Variants in ABCD2 observed in about 807,000 individuals in gnomAD.
ABCD2 encodes the protein ATP binding cassette subfamily D member 2, also known as ATP-binding cassette sub-family D member 2.
ABCD2 carries 36 observed loss-of-function variants against 70.9 expected under a neutral mutation model. The ratio of observed to expected loss-of-function variants is 0.51; its 90% CI spans 0.39 to 0.67. The LOEUF (loss-of-function observed/expected upper bound fraction) is 0.67, where lower values mean the gene tolerates loss of function less well. Among genes scored for constraint, ABCD2 ranks in the 30% least tolerant of loss-of-function variants. The probability of loss-of-function intolerance (pLI) is 0.00; values close to 1 mark genes in which losing one functional copy is unlikely to be tolerated. For missense variants in ABCD2, 729 were observed against 890.2 expected (o/e 0.82, Z 2.30); for synonymous variants, 304 against 306.9 (o/e 0.99, Z 0.10).
In ABCD2 at chr12:39,586,252, A is replaced by AG; in HGVS notation, c.1691dup (p.Asp565Ter). 1 of 1,613,602 alleles carries AG rather than the reference A, an allele frequency of 6.2e-7. No individual in the cohort carries two copies. ...TATCATGCATATCATCCACTGAATC[A>AG]GGGTAAATGACTTGATCCCGAAGAC... On this transcript the variant is annotated frameshift_variant, in exon 7 of 10. Transcript: ENST00000308666. LOFTEE classifies it high-confidence loss of function.
At chr12:39,595,431 C>G (rs1941803223) in intron 6 of ABCD2, among the ~76,000 whole-genome samples, 1 of 152,078 alleles carries the variant, frequency 6.6e-6, no homozygotes, top group African/African-American at 2.4e-5. Flanking sequence ...ATAACTTATA[C>G]AGAACATAAT....
At chr12:39,605,195 T>C (rs1566581809) in intron 3 of ABCD2, among the ~76,000 whole-genome samples, 1 of 152,094 alleles carries the variant, frequency 6.6e-6, no homozygotes, top group Non-Finnish European at 1.5e-5. Flanking sequence ...GTCAAATTTC[T>C]GATTTGACCT....
intron 2 of ABCD2, among the ~76,000 whole-genome samples, chr12:39,609,486 G>A (rs1030206181): frequency 6.6e-6 from 1 of 152,176 alleles, no homozygotes; most frequent in South Asian, 2.1e-4. Context: ...TTTTGTAGTT[G>A]TCGTTGCTAT....
At chr12:39,600,791 T>G in intron 5 of ABCD2, 75 bp from the exon 6 acceptor site, 1 of 1,354,590 alleles carries the variant, frequency 7.4e-7, no homozygotes, top group South Asian at 1.4e-5. Flanking sequence ...AAGTAAATTA[T>G]TTTTTTAAAA....
chr12:39,546,368 G>A (rs1047517618), downstream of ABCD2, among the ~76,000 whole-genome samples: 2 of 152,048 alleles, frequency 1.3e-5, no homozygotes, highest in Admixed American at 1.3e-4. Flanking sequence ...CTTTTCAAGT[G>A]TTCCCTATCT....
chr12:39,536,400 C>T, the ABCD2 span, among the ~76,000 whole-genome samples: 1 of 152,122 alleles, frequency 6.6e-6, no homozygotes, highest in East Asian at 1.9e-4. Context: ...CCAGAAGCTC[C>T]CAAATATGGA....
chr12:39,584,522 T>A (rs1011400663), intron 7 of ABCD2, among the ~76,000 whole-genome samples: 1 of 152,236 alleles, frequency 6.6e-6, no homozygotes, highest in Admixed American at 6.5e-5. Context: ...TTAAATTTAA[T>A]TAGATCTCAC....
intron 5 of ABCD2, among the ~76,000 whole-genome samples, chr12:39,602,811 A>T (rs1356014056): frequency 2.0e-5 from 3 of 152,158 alleles, no homozygotes; most frequent in African/African-American, 7.2e-5. Context: ...ACTATTTATT[A>T]AATAAATAGA....
the ABCD2 span, among the ~76,000 whole-genome samples, chr12:39,535,617 A>T: frequency 2.0e-5 from 3 of 152,104 alleles, no homozygotes; most frequent in Admixed American, 1.3e-4. Context: ...TCTTAGATAA[A>T]TTTTTTTTGC....
At chr12:39,535,960 T>A in the ABCD2 span, among the ~76,000 whole-genome samples, 2 of 152,110 alleles carry the variant, frequency 1.3e-5, no homozygotes, top group South Asian at 4.1e-4. Flanking sequence ...CTGGCCAGCA[T>A]GGTGAAAACT....
intron 6 of ABCD2, among the ~76,000 whole-genome samples, chr12:39,587,222 AATAAAAGGATGAGGAAGACCTCT>A (rs1384248987): frequency 1.1e-4 from 16 of 152,250 alleles, no homozygotes; most frequent in African/African-American, 3.9e-4. Context: ...AAGCAGCTGT[AATAAAAGGATGAGGAAGACCTCT>A]ATAAACTGAT....
chr12:39,562,458 A>C (rs377459148), intron 9 of ABCD2, among the ~76,000 whole-genome samples: 1 of 152,104 alleles, frequency 6.6e-6, no homozygotes, highest in African/African-American at 2.4e-5. Context: ...AATAAGAAAA[A>C]AGAAAGAAGA....
At chr12:39,594,936 C>T (rs1031523926) in intron 6 of ABCD2, among the ~76,000 whole-genome samples, 1 of 152,102 alleles carries the variant, frequency 6.6e-6, no homozygotes, top group African/African-American at 2.4e-5. Flanking sequence ...TAGGAAAACC[C>T]TGTCAATACA....
chr12:39,534,436 C>T, the ABCD2 span, among the ~76,000 whole-genome samples: 4 of 152,046 alleles, frequency 2.6e-5, no homozygotes. Flanking sequence ...AAAAATTGGG[C>T]TTACACCAGC....
intron 9 of ABCD2, among the ~76,000 whole-genome samples, chr12:39,565,787 T>C (rs1941336274): frequency 6.6e-6 from 1 of 152,220 alleles, no homozygotes; most frequent in African/African-American, 2.4e-5. Context: ...GCTCTAATTA[T>C]TTTGATATGC....
At chr12:39,554,435 T>C (rs1184984174) in intron 9 of ABCD2, among the ~76,000 whole-genome samples, 1 of 152,060 alleles carries the variant, frequency 6.6e-6, no homozygotes, top group Non-Finnish European at 1.5e-5. Context: ...CCTGAATAAA[T>C]AGTAAGGCAT....
At chr12:39,579,167 G>A (rs964997514) in intron 8 of ABCD2, among the ~76,000 whole-genome samples, 5 of 152,096 alleles carry the variant, frequency 3.3e-5, no homozygotes, top group African/African-American at 1.2e-4. Flanking sequence ...TTCAAGACCA[G>A]CCTGGCCAAC....
chr12:39,540,966 A>C, the ABCD2 span, among the ~76,000 whole-genome samples: 1 of 152,238 alleles, frequency 6.6e-6, no homozygotes, highest in African/African-American at 2.4e-5. Context: ...ATGGTCACTC[A>C]TATTTGGCTC....
chr12:39,582,079 C>T (rs1941603403), intron 7 of ABCD2, among the ~76,000 whole-genome samples: 1 of 152,150 alleles, frequency 6.6e-6, no homozygotes, highest in South Asian at 2.1e-4. Context: ...TTAAATAATG[C>T]ACTTGCAAAT....
Sources: gnomAD v4.1 joint callset for allele counts (sites outside exome capture counted in the v4.1 genomes callset) on GRCh38, gnomAD v4.1.1 for gene constraint, MANE v1.5 for transcripts, NCBI Gene and HGNC (gene_info 2026-07-23, HGNC 2026-07-21) for gene names.